COL23A1: variants seen among roughly 807,000 people sequenced by gnomAD.
COL23A1 encodes the protein collagen alpha-1(XXIII) chain.
In COL23A1, 97 loss-of-function variants were observed where a neutral mutation model predicts 99.3. The observed-to-expected ratio is 0.98, with a 90% CI of 0.83 to 1.16. COL23A1 has a LOEUF of 1.16. Among genes scored for constraint, COL23A1 ranks in the 50% most tolerant of loss-of-function variants. The probability of loss-of-function intolerance (pLI) is 0.00; values close to 1 mark genes in which losing one functional copy is unlikely to be tolerated. For synonymous variants in COL23A1, 320 were observed against 308.2 expected, an observed-to-expected ratio of 1.04 and a Z score of -0.40; for missense variants, 762 against 757.4, an observed-to-expected ratio of 1.01 and a Z score of -0.07.
chr5:178,382,059 T>C (rs958437264), intron 2 of COL23A1, among the ~76,000 whole-genome samples: 1 of 152,022 alleles, frequency 6.6e-6, no homozygotes, highest in African/African-American at 2.4e-5. Context: ...CAGAGATGCC[T>C]ATTTCTGGGT....
chr5:178,369,368 G>A (rs1762675835), intron 2 of COL23A1, among the ~76,000 whole-genome samples: 1 of 152,222 alleles, frequency 6.6e-6, no homozygotes, highest in South Asian at 2.1e-4. Flanking sequence ...CCTGGGTTAA[G>A]GTGATGGCCT....
intron 2 of COL23A1, among the ~76,000 whole-genome samples, chr5:178,350,678 C>T (rs1181294382): frequency 6.6e-6 from 1 of 152,156 alleles, no homozygotes; most frequent in African/African-American, 2.4e-5. Context: ...TGCTGGGGGG[C>T]ATCTGTTAAT....
At chr5:178,325,684 C>T (rs936520311) in intron 2 of COL23A1, among the ~76,000 whole-genome samples, 2 of 152,176 alleles carry the variant, frequency 1.3e-5, no homozygotes, top group African/African-American at 2.4e-5. Context: ...AAGCTGGGAC[C>T]GTGTTGGCTT....
intron 19 of COL23A1, 70 bp downstream of exon 19, chr5:178,249,047 C>G: frequency 1.3e-6 from 2 of 1,504,218 alleles, no homozygotes; most frequent in Non-Finnish European, 1.8e-6. Context: ...CCCCACAGCA[C>G]GGGGGGCACA....
At chr5:178,480,165 T>A (rs1389448723) in intron 2 of COL23A1, among the ~76,000 whole-genome samples, 7 of 149,290 alleles carry the variant, frequency 4.7e-5, no homozygotes, top group South Asian at 2.1e-4. Context: ...AAAAAGAAAA[T>A]TTTTTAAATA....
intron 15 of COL23A1, among the ~76,000 whole-genome samples, chr5:178,256,137 T>C (rs1765286483): frequency 6.6e-6 from 1 of 152,210 alleles, no homozygotes. Context: ...AGGTCAGGAC[T>C]CTTATTTTTG....
At chr5:178,251,029 T>TA (rs1279460052) in intron 17 of COL23A1, among the ~76,000 whole-genome samples, 1 of 150,898 alleles carries the variant, frequency 6.6e-6, no homozygotes, top group East Asian at 2.0e-4. Flanking sequence ...AAGATAATTT[T>TA]TTTTTTTTTT....
rs564999302 is a variant in COL23A1, at chr5:178,312,122, G to A, written c.362-5203C>T. On this transcript the variant is annotated intron_variant, in intron 2 of 28. Transcript: ENST00000390654. The stretch of plus-strand genomic sequence containing the variant: ...ACACTGCAGGCAGGTTCGAGGTGCT[G>A]AGACGCCGACGGAGCCCTTGACTGC... Among the ~76,000 whole-genome samples the A allele has an allele frequency of 2.6e-4, 39 of 152,320 alleles. No homozygotes were observed. The East Asian group carries it at 6.2e-3, about 24-fold the overall frequency.
At chr5:178,400,857 C>T (rs10037060) in intron 2 of COL23A1, among the ~76,000 whole-genome samples, 6,032 of 152,232 alleles carry the variant, frequency 0.04, 353 homozygotes, top group African/African-American at 0.13. Context: ...AGGTTGGTCT[C>T]GAACTCCTGA....
At chr5:178,357,344 C>G (rs1014784406) in intron 2 of COL23A1, among the ~76,000 whole-genome samples, 1 of 152,230 alleles carries the variant, frequency 6.6e-6, no homozygotes, top group African/African-American at 2.4e-5. Context: ...GGAAGTGCCT[C>G]TGCCCCCTGG....
At chr5:178,503,384 GAC>G (rs1308890179) in intron 2 of COL23A1, among the ~76,000 whole-genome samples, 1 of 152,142 alleles carries the variant, frequency 6.6e-6, no homozygotes, top group Non-Finnish European at 1.5e-5. Flanking sequence ...AAAAGACAAA[GAC>G]AGTCTGTGAA....
intron 2 of COL23A1, among the ~76,000 whole-genome samples, chr5:178,385,399 C>A (rs1302845120): frequency 6.6e-6 from 1 of 152,218 alleles, no homozygotes; most frequent in African/African-American, 2.4e-5. Flanking sequence ...AGGCTGGAAG[C>A]AAATGGCCAA....
At position 178,384,126 on chromosome 5, in the gene COL23A1, G is replaced by A. The variant is rs182125953; in HGVS notation, c.362-77207C>T. ...CCCCTCTTCTCTAGAAAGGGGTGAT[G>A]GTAAAATAAGGCTGGCCATCGAGAA... On this transcript the variant is annotated intron_variant, in intron 2 of 28. Coordinates refer to ENST00000390654, the MANE Select transcript of COL23A1 (RefSeq NM_173465.4). The surrounding 1 kb of genome is among the most constrained non-coding windows in gnomAD (Gnocchi z 5.5). Among the ~76,000 whole-genome samples the A allele has an allele frequency of 1.3e-5, 2 of 152,250 alleles. No individual in the cohort carries two copies. The highest frequency in any genetic ancestry group is 2.4e-5 in the African/African-American group (1 of 41,550).
At chr5:178,438,658 T>G (rs1369792932) in intron 2 of COL23A1, 1 of 152,184 alleles carries the variant, frequency 6.6e-6, no homozygotes, top group African/African-American at 2.4e-5. Flanking sequence ...TCTGGTTTTA[T>G]TTTTTAGCAA....
In COL23A1 at chr5:178,457,533, G is replaced by C. The variant is rs142048965; in HGVS notation, c.361+103149C>G. On this transcript the variant is annotated intron_variant, in intron 2 of 28. Transcript: ENST00000390654. ...CCCGGCCACAGAGTTCTTTATAATA[G>C]CAAAAATTTCAATGTAATCTTAATG... Among the ~76,000 whole-genome samples, 92 of 152,138 alleles carry C rather than the reference G, an allele frequency of 6.0e-4. No homozygotes were observed. The East Asian group carries it at 0.016, about 27-fold the overall frequency.
At chr5:178,500,760 T>C (rs1758483138) in intron 2 of COL23A1, among the ~76,000 whole-genome samples, 1 of 151,638 alleles carries the variant, frequency 6.6e-6, no homozygotes, top group Non-Finnish European at 1.5e-5. Flanking sequence ...TTAGAAGAAA[T>C]TATGAGAGAT....
chr5:178,355,042 G>A (rs1761558750), intron 2 of COL23A1, among the ~76,000 whole-genome samples: 1 of 144,870 alleles, frequency 6.9e-6, no homozygotes. Context: ...TGGGAGACAG[G>A]TGAGACTTTG....
At chr5:178,248,297 C>G (rs1175793035) in intron 19 of COL23A1, 43 bp from the exon 20 acceptor site, 5 of 1,500,502 alleles carry the variant, frequency 3.3e-6, no homozygotes, top group Non-Finnish European at 4.6e-6. Context: ...TGTCCAGCAC[C>G]TGTATCACCA....
At chr5:178,426,132 T>A (rs79728104) in intron 2 of COL23A1, among the ~76,000 whole-genome samples, 3,060 of 152,296 alleles carry the variant, frequency 0.02, 136 homozygotes, top group East Asian at 0.19. Flanking sequence ...ATGTTAGACA[T>A]CAGGCATTTT....
Sources: allele counts gnomAD v4.1 joint callset (sites outside exome capture counted in the v4.1 genomes callset), GRCh38; gene constraint gnomAD v4.1.1; non-coding constraint Gnocchi (gnomAD v3.1); transcripts MANE v1.5; gene names NCBI Gene and HGNC (gene_info 2026-07-23, HGNC 2026-07-21).